Variants in DLG2 observed in about 807,000 individuals in gnomAD.
DLG2 encodes disks large homolog 2.
DLG2 carries 45 observed loss-of-function variants against 132.5 expected under a neutral mutation model. That is an observed-to-expected ratio of 0.34 (90% CI 0.27 to 0.44). The LOEUF (loss-of-function observed/expected upper bound fraction) is 0.44. Among genes scored for constraint, DLG2 ranks in the 20% least tolerant of loss-of-function variants. The probability of loss-of-function intolerance (pLI) is 1.00; values close to 1 mark genes in which losing one functional copy is unlikely to be tolerated. For missense variants in DLG2, 1,045 were observed against 1,196.9 expected, an observed-to-expected ratio of 0.87 and a Z score of 1.87; for synonymous variants, 424 against 419.6, an observed-to-expected ratio of 1.01 and a Z score of -0.13.
At chr11:84,847,016 T>A (rs1162909277) in intron 6 of DLG2, among the ~76,000 whole-genome samples, 1 of 152,088 alleles carries the variant, frequency 6.6e-6, no homozygotes, top group Admixed American at 6.6e-5. Context: ...TACTGTCAAT[T>A]TAGAGACCCT....
chr11:84,741,268 G>GTTTTAGTCGGGA (rs1258971821), intron 6 of DLG2, among the ~76,000 whole-genome samples: 5 of 151,358 alleles, frequency 3.3e-5, no homozygotes, highest in African/African-American at 1.2e-4. Context: ...GGGTTTCACC[G>GTTTTAGTCGGGA]TGGTCTCGAT....
At chr11:83,577,927 T>A (rs1455006959) in intron 19 of DLG2, among the ~76,000 whole-genome samples, 1 of 126,296 alleles carries the variant, frequency 7.9e-6, no homozygotes, top group African/African-American at 3.0e-5. Flanking sequence ...TATATATTTA[T>A]AATATATAAT....
intron 11 of DLG2, among the ~76,000 whole-genome samples, chr11:84,045,380 A>T (rs993587316): frequency 6.6e-6 from 1 of 151,752 alleles, no homozygotes; most frequent in African/African-American, 2.4e-5. Context: ...ATAGGTCCAG[A>T]TGCTAGGTGC....
chr11:84,820,974 C>G (rs1421740881), intron 6 of DLG2, among the ~76,000 whole-genome samples: 1 of 151,612 alleles, frequency 6.6e-6, no homozygotes, highest in African/African-American at 2.4e-5. Flanking sequence ...TTCTACCACC[C>G]TAGAAACTTG....
intron 18 of DLG2, among the ~76,000 whole-genome samples, chr11:83,703,575 G>T (rs141831088): frequency 0.012 from 1,894 of 152,248 alleles, 49 homozygotes; most frequent in African/African-American, 0.04. Context: ...CTTGAACCTG[G>T]GAGGCAGAGG....
At chr11:84,476,658 G>A (rs2099122414) in intron 7 of DLG2, among the ~76,000 whole-genome samples, 1 of 152,144 alleles carries the variant, frequency 6.6e-6, no homozygotes, top group Non-Finnish European at 1.5e-5. Context: ...AATTCTGTTT[G>A]GCTGTCTCCC....
intron 3 of DLG2, among the ~76,000 whole-genome samples, chr11:85,313,574 T>A (rs2080450446): frequency 6.6e-6 from 1 of 152,070 alleles, no homozygotes; most frequent in Admixed American, 6.6e-5. Flanking sequence ...GTGTTTACAA[T>A]TGTTTTTCAT....
rs1055651232 is a variant in DLG2, at chr11:85,205,177, T to A, written c.187-50526A>T. Among the ~76,000 whole-genome samples, 9 of 148,424 alleles carry A rather than the reference T, an allele frequency of 6.1e-5. No individual in the cohort carries two copies. The Admixed American group carries it at 6.1e-4, about 10-fold the overall frequency. ...ATATATATATATAGATATATATATA[T>A]ATAACAATGGAATATTATTCAGCCA... On this transcript the variant is annotated intron_variant, in intron 4 of 27. Transcript: ENST00000376104.
intron 6 of DLG2, among the ~76,000 whole-genome samples, chr11:84,536,424 A>G (rs1368261276): frequency 6.6e-6 from 1 of 152,148 alleles, no homozygotes; most frequent in African/African-American, 2.4e-5. Context: ...AAAAAAAAAA[A>G]TCACTGAGAA....
At chr11:84,979,333 T>C (rs1371310521) in intron 6 of DLG2, among the ~76,000 whole-genome samples, 1 of 152,234 alleles carries the variant, frequency 6.6e-6, no homozygotes, top group African/African-American at 2.4e-5. Context: ...TTATAAGTCA[T>C]GCTGCTATAA....
intron 3 of DLG2, among the ~76,000 whole-genome samples, chr11:85,308,260 A>G (rs1339942942): frequency 1.3e-5 from 2 of 151,456 alleles, no homozygotes; most frequent in African/African-American, 4.8e-5. Context: ...AGAAAAAATT[A>G]AGGGGAAAAA....
At chr11:84,468,543 T>C (rs1370696793) in intron 7 of DLG2, among the ~76,000 whole-genome samples, 1 of 151,560 alleles carries the variant, frequency 6.6e-6, no homozygotes, top group African/African-American at 2.4e-5. Flanking sequence ...TCTTTGCCTT[T>C]AACTCCCTTA....
intron 7 of DLG2, among the ~76,000 whole-genome samples, chr11:84,534,005 G>A (rs1237655972): frequency 6.8e-6 from 1 of 146,920 alleles, no homozygotes; most frequent in African/African-American, 2.5e-5. Flanking sequence ...CCTTCTTCTT[G>A]TCGAAATATA....
chr11:85,383,230 T>C (rs1386268979), intron 3 of DLG2, among the ~76,000 whole-genome samples: 1 of 152,178 alleles, frequency 6.6e-6, no homozygotes, highest in Non-Finnish European at 1.5e-5. Context: ...CATAAAAGGC[T>C]ACATGTTGTA....
intron 6 of DLG2, among the ~76,000 whole-genome samples, chr11:85,065,972 T>C (rs1161031539): frequency 2.0e-5 from 3 of 151,224 alleles, no homozygotes; most frequent in Admixed American, 2.0e-4. Flanking sequence ...AGAGCAGAAC[T>C]AAACAAAAGT....
chr11:84,540,612 C>T (rs974497769), intron 6 of DLG2, among the ~76,000 whole-genome samples: 1 of 152,160 alleles, frequency 6.6e-6, no homozygotes, highest in African/African-American at 2.4e-5. Context: ...ACTACTTCCA[C>T]CATTGTGGAA....
chr11:84,670,750 T>C (rs1344037532), intron 6 of DLG2, among the ~76,000 whole-genome samples: 3 of 152,124 alleles, frequency 2.0e-5, no homozygotes, highest in Admixed American at 6.6e-5. Flanking sequence ...TTGAACTTAG[T>C]CCTGTCTGAT....
chr11:83,785,874 T>C (rs1183914809), intron 18 of DLG2, among the ~76,000 whole-genome samples: 1 of 152,246 alleles, frequency 6.6e-6, no homozygotes, highest in Admixed American at 6.5e-5. Context: ...GCTAGCCATA[T>C]GGACCAAAAG....
chr11:84,862,779 T>A (rs1033628572), intron 6 of DLG2, among the ~76,000 whole-genome samples: 1 of 116,118 alleles, frequency 8.6e-6, no homozygotes, highest in Non-Finnish European at 1.6e-5. Context: ...TGAGAACACA[T>A]GGACACAGGG....
Sources: allele counts gnomAD v4.1 joint callset (sites outside exome capture counted in the v4.1 genomes callset), GRCh38; gene constraint gnomAD v4.1.1; transcripts MANE v1.5; gene names NCBI Gene and HGNC (gene_info 2026-07-23, HGNC 2026-07-21).